EXOC4: variants seen among roughly 807,000 people sequenced by gnomAD.
EXOC4 encodes exocyst complex component 4.
Under a neutral mutation model 107.2 loss-of-function variants are expected in EXOC4, and 71 were observed. That is an observed-to-expected ratio of 0.66 (90% CI 0.55 to 0.81). EXOC4 has a LOEUF of 0.81. Ranked by LOEUF, EXOC4 falls within the 30% of genes least tolerant of loss-of-function variation. The probability of loss-of-function intolerance (pLI) is 0.00; values close to 1 mark genes in which losing one functional copy is unlikely to be tolerated. For missense variants in EXOC4, 1,108 were observed against 1,189.6 expected, an observed-to-expected ratio of 0.93 and a Z score of 1.01; for synonymous variants, 456 against 441.2, an observed-to-expected ratio of 1.03 and a Z score of -0.42.
At chr7:133,794,645 A>G (rs937056049) in intron 10 of EXOC4, among the ~76,000 whole-genome samples, 1 of 152,140 alleles carries the variant, frequency 6.6e-6, no homozygotes, top group Admixed American at 6.5e-5. Flanking sequence ...TTCTGTCATT[A>G]CGTTAGTTCC....
intron 3 of EXOC4, among the ~76,000 whole-genome samples, chr7:133,294,592 T>C (rs536248775): frequency 6.6e-6 from 1 of 152,224 alleles, no homozygotes; most frequent in East Asian, 1.9e-4. Flanking sequence ...AGGGTTATTA[T>C]GATAATTATA....
At chr7:133,929,291 G>A (rs984330833) in intron 13 of EXOC4, among the ~76,000 whole-genome samples, 6 of 152,104 alleles carry the variant, frequency 3.9e-5, no homozygotes, top group Non-Finnish European at 8.8e-5. Context: ...ACTGAGACTG[G>A]GGAGTGGTAG....
chr7:133,377,658 A>G (rs1796519368), intron 7 of EXOC4, among the ~76,000 whole-genome samples: 1 of 152,214 alleles, frequency 6.6e-6, no homozygotes, highest in Non-Finnish European at 1.5e-5. Flanking sequence ...TGAGAAACAT[A>G]AACCCACAGA....
the EXOC4 span, among the ~76,000 whole-genome samples, chr7:134,084,709 T>TAAAAA: frequency 0.022 from 1,863 of 83,094 alleles, 57 homozygotes; most frequent in African/African-American, 0.08. Flanking sequence ...GGTGCAGCCG[T>TAAAAA]AAAAAAAAAA....
chr7:133,732,203 A>C (rs923242980), intron 10 of EXOC4, among the ~76,000 whole-genome samples: 3 of 152,180 alleles, frequency 2.0e-5, no homozygotes, highest in Non-Finnish European at 4.4e-5. Flanking sequence ...AGAAAACCAA[A>C]CACCACATTT....
At chr7:133,529,349 A>G (rs1258006245) in intron 9 of EXOC4, among the ~76,000 whole-genome samples, 5 of 152,200 alleles carry the variant, frequency 3.3e-5, no homozygotes, top group African/African-American at 9.6e-5. Context: ...CCTATCATTC[A>G]GACATCCCTG....
At chr7:133,976,541 G>C (rs1189851081) in intron 14 of EXOC4, among the ~76,000 whole-genome samples, 1 of 146,822 alleles carries the variant, frequency 6.8e-6, no homozygotes, top group African/African-American at 2.5e-5. Context: ...ATTAATGTTA[G>C]ATAGTGAACC....
intron 11 of EXOC4, among the ~76,000 whole-genome samples, chr7:133,855,476 G>A (rs935004136): frequency 6.6e-6 from 1 of 151,902 alleles, no homozygotes; most frequent in East Asian, 1.9e-4. Context: ...AAAGATATCA[G>A]CACATTTGGA....
At chr7:133,522,722 T>C (rs1312624199) in intron 9 of EXOC4, among the ~76,000 whole-genome samples, 4 of 151,812 alleles carry the variant, frequency 2.6e-5, no homozygotes, top group African/African-American at 9.7e-5. Context: ...GAAGAGAGGG[T>C]TTTTTTTCCC....
intron 7 of EXOC4, among the ~76,000 whole-genome samples, chr7:133,436,863 A>G (rs534443239): frequency 1.3e-5 from 2 of 152,276 alleles, no homozygotes; most frequent in African/African-American, 4.8e-5. Context: ...AGAGTAACTT[A>G]TGATCTTTTC....
intron 9 of EXOC4, among the ~76,000 whole-genome samples, chr7:133,589,594 C>A (rs996878529): frequency 2.0e-5 from 3 of 152,198 alleles, no homozygotes; most frequent in Admixed American, 6.5e-5. Flanking sequence ...TTTTGCCATG[C>A]AGAGTAGAAA....
chr7:133,934,410 C>G (rs1178051695), intron 13 of EXOC4, among the ~76,000 whole-genome samples: 1 of 152,130 alleles, frequency 6.6e-6, no homozygotes, highest in African/African-American at 2.4e-5. Context: ...AATGAGATGT[C>G]TGCTGTGTAT....
chr7:133,476,178 C>T (rs1269976424), intron 8 of EXOC4, among the ~76,000 whole-genome samples: 1 of 152,054 alleles, frequency 6.6e-6, no homozygotes, highest in Non-Finnish European at 1.5e-5. Flanking sequence ...TGAGTTCTTA[C>T]TAAGTGCTAA....
At chr7:133,612,354 C>G (rs1802092112) in intron 9 of EXOC4, among the ~76,000 whole-genome samples, 1 of 151,988 alleles carries the variant, frequency 6.6e-6, no homozygotes, top group South Asian at 2.1e-4. Context: ...TTTAAATGAT[C>G]TTATTTATAT....
intron 9 of EXOC4, among the ~76,000 whole-genome samples, chr7:133,629,453 G>C (rs1802534601): frequency 6.6e-6 from 1 of 152,140 alleles, no homozygotes; most frequent in African/African-American, 2.4e-5. Flanking sequence ...GCCTTGCACT[G>C]TTCCTTTAAA....
chr7:133,315,965 G>A (rs892752779), intron 4 of EXOC4, among the ~76,000 whole-genome samples: 3 of 152,154 alleles, frequency 2.0e-5, no homozygotes, highest in Admixed American at 1.3e-4. Context: ...AAAGGGAGAC[G>A]TTAATGACTG....
chr7:133,399,689 G>A (rs997234043), intron 7 of EXOC4, among the ~76,000 whole-genome samples: 4 of 152,230 alleles, frequency 2.6e-5, no homozygotes, highest in Non-Finnish European at 5.9e-5. Flanking sequence ...GAGCAAAGTT[G>A]TACCTTTTCA....
intron 11 of EXOC4, among the ~76,000 whole-genome samples, chr7:133,881,018 ATATAAG>A (rs1798955134): frequency 6.6e-6 from 1 of 152,268 alleles, no homozygotes; most frequent in South Asian, 2.1e-4. Context: ...TTTGTTTGTT[ATATAAG>A]TATATTCATC....
the EXOC4 span, among the ~76,000 whole-genome samples, chr7:134,097,981 G>C: frequency 2.1e-3 from 314 of 152,228 alleles, no homozygotes; most frequent in Middle Eastern, 0.01. Context: ...CAGTGTGTGA[G>C]CATGAGACAA....
Sources: allele counts gnomAD v4.1 joint callset (sites outside exome capture counted in the v4.1 genomes callset), GRCh38; gene constraint gnomAD v4.1.1; transcripts MANE v1.5; gene names NCBI Gene and HGNC (gene_info 2026-07-23, HGNC 2026-07-21).